Variants in CHRNA6 observed in about 807,000 individuals in gnomAD.
CHRNA6 encodes cholinergic receptor nicotinic alpha 6 subunit.
Under a neutral mutation model 40.9 loss-of-function variants are expected in CHRNA6, and 31 were observed. That is an observed-to-expected ratio of 0.76 (90% confidence interval 0.57 to 1.02). CHRNA6 has a LOEUF of 1.02. Ranked by LOEUF, CHRNA6 falls within the 50% of genes least tolerant of loss-of-function variation. The probability of loss-of-function intolerance (pLI) is 0.00; values close to 1 mark genes in which losing one functional copy is unlikely to be tolerated. For missense variants in CHRNA6, 546 were observed against 596.6 expected (o/e 0.92, Z 0.88); for synonymous variants, 222 against 221.3 (o/e 1.00, Z -0.03).
intron 1 of CHRNA6, among the ~76,000 whole-genome samples, chr8:42,766,613 T>A (rs1279696850): frequency 6.6e-6 from 1 of 152,200 alleles, no homozygotes; most frequent in East Asian, 1.9e-4. Context: ...CTTGAAGCCG[T>A]TATCCTCAGC....
chr8:42,755,184 ATT>A (rs551656749), intron 5 of CHRNA6, among the ~76,000 whole-genome samples: 6 of 137,146 alleles, frequency 4.4e-5, no homozygotes, highest in Admixed American at 7.3e-5. Flanking sequence ...ACGCCTGCTA[ATT>A]TTTTTTTTTT....
Position 42,752,943 on chromosome 8 carries a change from C to A in CHRNA6, c.*236G>T, listed in dbSNP as rs56044754. ...GAGAAACCTGACCTGATACTGTAGCCGTGGGTGCTGCCCAATCAGGGCACT... is the reference window on the plus strand; with the variant it reads ...GAGAAACCTGACCTGATACTGTAGCAGTGGGTGCTGCCCAATCAGGGCACT... On this transcript the variant is annotated 3_prime_UTR_variant, in exon 6 of 6. Transcript: ENST00000276410. The A allele has an allele frequency of 1.9e-4, 72 of 375,314 alleles. No homozygotes were observed. The highest frequency in any genetic ancestry group is 1.1e-3 in the African/African-American group (52 of 47,122). 23.2% of individuals were successfully genotyped at this position (375,314 alleles called of 1,614,324 possible).
Position 42,756,514 on chromosome 8 carries a change from C to A in CHRNA6, c.685G>T (p.Asp229Tyr). 6.2e-7 allele frequency: 1 copy of A among 1,613,908 alleles called. No homozygotes were observed. The highest frequency in any genetic ancestry group is 8.5e-7 in the Non-Finnish European group (1 of 1,179,858). ...CTAATGTAGAAAGAATAGGTTATAT[C>A]TGTGTATATCTCTTCACAACAGTTG... ...KYNCCEEIYT[D>Y]ITYSFYIRRL... is the part of the protein sequence containing the mutation. Residue 229 changes from aspartate (D) to tyrosine (Y), a missense_variant, in exon 5 of 6, where the codon GAT becomes TAT. Asp to Tyr is a radical substitution (Grantham distance 160). This residue lies in a region of CHRNA6 where 476 missense variants were observed against 494.5 expected (regional missense o/e 0.96). Transcript: ENST00000276410.
chr8:42,765,296 G>A (rs1346231147), intron 1 of CHRNA6, 92 bp from the exon 2 acceptor site: 5 of 1,411,104 alleles, frequency 3.5e-6, no homozygotes, highest in African/African-American at 2.8e-5. Flanking sequence ...CCTGTGGGGA[G>A]CGAATGTCCC....
chr8:42,756,246 A>G lies in CHRNA6; in HGVS notation c.953T>C (p.Ile318Thr), dbSNP rs888527245. The change falls in exon 5 of 6, where the codon ATC (isoleucine) becomes ACC (threonine). Residue 318 changes from isoleucine (I) to threonine (T), a missense_variant. Physicochemically the swap from Ile to Thr is moderately conservative, Grantham distance 89. Coordinates refer to ENST00000276410, the MANE Select transcript of CHRNA6 (RefSeq NM_004198.3). ...LFTMIFVTLS[I>T]VVTVFVLNIH... ...GTTCAACACAAACACAGTCACCACGATGGACAGTGTGACAAAGATCATGGT... is the reference window on the plus strand; with the variant it reads ...GTTCAACACAAACACAGTCACCACGGTGGACAGTGTGACAAAGATCATGGT... 1.9e-6 allele frequency: 3 copies of G among 1,614,134 alleles called. No individual in the cohort carries two copies. The highest frequency in any genetic ancestry group is 2.7e-5 in the African/African-American group (2 of 74,954).
At chr8:42,760,661 CAT>C (rs773678309) in intron 2 of CHRNA6, among the ~76,000 whole-genome samples, 12 of 152,318 alleles carry the variant, frequency 7.9e-5, no homozygotes, top group African/African-American at 1.4e-4. Context: ...CGCTAGCACA[CAT>C]GTGCACATGA....
At chr8:42,757,356 GA>G (rs11289227) in intron 3 of CHRNA6, among the ~76,000 whole-genome samples, 52,203 of 148,264 alleles carry the variant, frequency 0.35, 13,124 homozygotes, top group African/African-American at 0.72. Context: ...ACTCTATCTG[GA>G]AAAAAAAAAT....
intron 1 of CHRNA6, among the ~76,000 whole-genome samples, chr8:42,768,087 CTG>C (rs935558419): frequency 6.6e-6 from 1 of 152,084 alleles, no homozygotes; most frequent in African/African-American, 2.4e-5. Flanking sequence ...GAATAGAAAA[CTG>C]TATCATTCTC....
Position 42,768,505 on chromosome 8 carries a change from G to T in CHRNA6, c.-75C>A. On this transcript the variant is annotated 5_prime_UTR_variant, in exon 1 of 6. Coordinates refer to ENST00000276410, the MANE Select transcript of CHRNA6 (RefSeq NM_004198.3). ...ACAAAGAGCTATCAGTCAGCCACAT[G>T]CATCCAACCTTGACATCATCAGAAG... is the stretch of plus-strand genomic sequence containing the variant. 1 of 1,102,862 alleles carries T rather than the reference G, an allele frequency of 9.1e-7. No homozygotes were observed. Among genetic ancestry groups the T allele is most frequent in the Non-Finnish European group, 1.4e-6 (1 of 718,552 alleles). The allele number at this position is 1,102,862 out of a possible 1,614,324, so 68.3% of individuals were successfully genotyped here. A position where few individuals can be genotyped will look rare whatever the true frequency, so the allele number is the denominator to read the frequency against.
intron 2 of CHRNA6, among the ~76,000 whole-genome samples, chr8:42,760,362 T>G (rs1019186216): frequency 4.1e-5 from 6 of 147,496 alleles, no homozygotes; most frequent in Non-Finnish European, 7.4e-5. Flanking sequence ...GAACACACAA[T>G]CATGCAAACT....
chr8:42,753,546 T>C (rs1415229802), intron 5 of CHRNA6, among the ~76,000 whole-genome samples: 1 of 152,128 alleles, frequency 6.6e-6, no homozygotes, highest in East Asian at 1.9e-4. Context: ...TGGTGGCATG[T>C]GCCTGTAGTC....
At chr8:42,759,555 C>G (rs1210116802) in intron 2 of CHRNA6, among the ~76,000 whole-genome samples, 1 of 152,108 alleles carries the variant, frequency 6.6e-6, no homozygotes, top group Non-Finnish European at 1.5e-5. Context: ...TCAGGGCTCT[C>G]TGGGCTCTGA....
At chr8:42,766,277 G>T (rs1816974237) in intron 1 of CHRNA6, among the ~76,000 whole-genome samples, 1 of 152,100 alleles carries the variant, frequency 6.6e-6, no homozygotes, top group Non-Finnish European at 1.5e-5. Flanking sequence ...TGGATCACAA[G>T]GTCAGGAGAT....
chr8:42,758,314 A>T (rs1195220566), intron 3 of CHRNA6, among the ~76,000 whole-genome samples: 3 of 151,418 alleles, frequency 2.0e-5, no homozygotes, highest in African/African-American at 7.3e-5. Flanking sequence ...GCTTTGAATT[A>T]AAAAAAAATC....
Position 42,756,335 on chromosome 8 carries a change from G to T in CHRNA6, c.864C>A (p.Val288=), listed in dbSNP as rs200533962. ...ATGTGGATGGGATGGTTTCTGTGAT[G>T]ACCAGCAAAAACACAGTCAGAGAAA... ...VLLSLTVFLL[V]ITETIPSTSL... is the part of the protein sequence containing the mutation. Residue 288 remains valine, a synonymous_variant, in exon 5 of 6, where the codon GTC becomes GTA. Transcript: ENST00000276410. The T allele has an allele frequency of 1.9e-6, 3 of 1,614,190 alleles. No homozygotes were observed. Among genetic ancestry groups the T allele is most frequent in the South Asian group, 1.1e-5 (1 of 91,052 alleles).
In CHRNA6 at chr8:42,756,926, A is replaced by G. The variant is rs1816812904; in HGVS notation, c.374+2T>C. 1.2e-6 allele frequency: 2 copies of G among 1,612,736 alleles called. No individual in the cohort carries two copies. Among genetic ancestry groups the G allele is most frequent in the Admixed American group, 3.3e-5 (2 of 59,994 alleles). ...GAGGCTACGGTGGTCAGAGACCCATACTTGTTATAGAGAACAATGTCGGGC... is the reference window on the plus strand; with the variant it reads ...GAGGCTACGGTGGTCAGAGACCCATGCTTGTTATAGAGAACAATGTCGGGC... On this transcript the variant is annotated splice_donor_variant, in intron 4 of 5. Coordinates refer to ENST00000276410, the MANE Select transcript of CHRNA6 (RefSeq NM_004198.3). LOFTEE classifies it high-confidence loss of function.
At chr8:42,763,893 G>T (rs567735249) in intron 2 of CHRNA6, among the ~76,000 whole-genome samples, 2 of 152,058 alleles carry the variant, frequency 1.3e-5, no homozygotes, top group Non-Finnish European at 2.9e-5. Context: ...CTGTCATTAG[G>T]GTCTTTCCTC....
chr8:42,767,998 C>T (rs1816996690), intron 1 of CHRNA6, among the ~76,000 whole-genome samples: 1 of 152,148 alleles, frequency 6.6e-6, no homozygotes. Context: ...ATAGTATCAG[C>T]TAACAAATAA....
At chr8:42,756,868 T>C (rs764927177) in intron 4 of CHRNA6, 44 bp from the exon 5 acceptor site, 4 of 1,609,720 alleles carry the variant, frequency 2.5e-6, no homozygotes, top group Non-Finnish European at 3.4e-6. Flanking sequence ...CCCTTTGCTA[T>C]AGGCCAGAAT....
Sources: gnomAD v4.1 joint callset for allele counts (sites outside exome capture counted in the v4.1 genomes callset) on GRCh38, gnomAD v4.1.1 for gene constraint, gnomAD v4.1.1 regional missense constraint, MANE v1.5 for transcripts, NCBI Gene and HGNC (gene_info 2026-07-23, HGNC 2026-07-21) for gene names.